PCDH15: variants seen among roughly 807,000 people sequenced by gnomAD.
PCDH15 encodes protocadherin-15.
In PCDH15, 129 loss-of-function variants were observed where a neutral mutation model predicts 178.5. The observed-to-expected ratio is 0.72, with a 90% CI of 0.63 to 0.84. PCDH15 has a LOEUF of 0.84. Among genes scored for constraint, PCDH15 ranks in the 40% least tolerant of loss-of-function variants. The pLI, the probability that PCDH15 is intolerant of heterozygous loss-of-function variation, is 0.00. For missense variants in PCDH15, 2,230 were observed against 2,099.9 expected (o/e 1.06, Z -1.21); for synonymous variants, 800 against 732.0 (o/e 1.09, Z -1.50).
At position 54,378,846 on chromosome 10, in the gene PCDH15, A is replaced by T. The variant is rs1344702306; in HGVS notation, c.254T>A (p.Val85Glu). The change falls in exon 4 of 38, where the codon GTG becomes GAG. Residue 85 changes from valine (V) to glutamate (E), a missense_variant. Val to Glu is a moderately radical substitution (Grantham distance 121, BLOSUM62 -2). Coordinates refer to ENST00000644397, the MANE Select transcript of PCDH15 (RefSeq NM_001384140.1). Reference sequence around the variant, plus strand: ...CATTTGCTTAACAGGATCCATCAACACCCAGTAATCCACATTATCCTTTAA... The same window carrying T: ...CATTTGCTTAACAGGATCCATCAACTCCCAGTAATCCACATTATCCTTTAA... ...LSLKDNVDYW[V>E]LMDPVKQMLF... The T allele has an allele frequency of 1.9e-6, 3 of 1,613,844 alleles. No individual in the cohort carries two copies. The highest frequency in any genetic ancestry group is 2.5e-6 in the Non-Finnish European group (3 of 1,179,874).
chr10:54,442,389 T>TA (rs2075845284), intron 3 of PCDH15, among the ~76,000 whole-genome samples: 2 of 94,636 alleles, frequency 2.1e-5, no homozygotes, highest in African/African-American at 8.8e-5. Context: ...TCCTTTTTTT[T>TA]TAAAAAAAAA....
At chr10:55,501,475 A>G (rs1346293427) in intron 2 of PCDH15, among the ~76,000 whole-genome samples, 2 of 151,744 alleles carry the variant, frequency 1.3e-5, no homozygotes, top group South Asian at 2.1e-4. Flanking sequence ...CTCTATTATG[A>G]TGTATTTATT....
chr10:55,386,644 C>G (rs1192301325), intron 2 of PCDH15, among the ~76,000 whole-genome samples: 2 of 152,008 alleles, frequency 1.3e-5, no homozygotes, highest in Non-Finnish European at 2.9e-5. Flanking sequence ...AACTATCCAG[C>G]ATGTCCATCT....
intron 2 of PCDH15, among the ~76,000 whole-genome samples, chr10:55,607,939 GAGAA>G (rs927376973): frequency 2.6e-5 from 4 of 151,612 alleles, no homozygotes; most frequent in African/African-American, 7.3e-5. Context: ...CAGAGAGAGA[GAGAA>G]AGAGAGAGAG....
At chr10:54,831,576 T>C (rs72798507) in intron 3 of PCDH15, among the ~76,000 whole-genome samples, 4 of 152,242 alleles carry the variant, frequency 2.6e-5, no homozygotes, top group Non-Finnish European at 4.4e-5. Flanking sequence ...TACTGTAGCT[T>C]TGGGAAATAC....
intron 8 of PCDH15, among the ~76,000 whole-genome samples, chr10:54,295,339 C>T (rs553638892): frequency 5.3e-5 from 8 of 152,260 alleles, no homozygotes; most frequent in African/African-American, 1.9e-4. Context: ...GTAAAATGGG[C>T]CAATCAGCAG....
At chr10:55,586,236 T>C (rs1842725139) in intron 2 of PCDH15, among the ~76,000 whole-genome samples, 2 of 152,108 alleles carry the variant, frequency 1.3e-5, no homozygotes, top group African/African-American at 4.8e-5. Context: ...GTGGCAAAGC[T>C]GGTTTTTAAA....
At chr10:54,330,084 C>G (rs193054539) in intron 6 of PCDH15, among the ~76,000 whole-genome samples, 155 of 151,926 alleles carry the variant, frequency 1.0e-3, no homozygotes, top group Non-Finnish European at 4.0e-4. Context: ...ACACTGAAAT[C>G]TGTTATTTCT....
chr10:54,521,533 C>T (rs2082858598), intron 3 of PCDH15, among the ~76,000 whole-genome samples: 1 of 152,234 alleles, frequency 6.6e-6, no homozygotes, highest in African/African-American at 2.4e-5. Flanking sequence ...GAAGCTGCTA[C>T]TATTGAATCT....
chr10:55,455,386 A>C (rs1839527850), intron 2 of PCDH15, among the ~76,000 whole-genome samples: 1 of 152,196 alleles, frequency 6.6e-6, no homozygotes, highest in Non-Finnish European at 1.5e-5. Context: ...AGTTTTTTTC[A>C]AGATTACAAT....
intron 2 of PCDH15, among the ~76,000 whole-genome samples, chr10:54,564,182 GATAA>G (rs2088657070): frequency 6.6e-6 from 1 of 151,946 alleles, no homozygotes; most frequent in Non-Finnish European, 1.5e-5. Flanking sequence ...TTTAAAGCTT[GATAA>G]ATTATTTTGT....
At chr10:54,639,548 T>C (rs1190282205) in intron 2 of PCDH15, among the ~76,000 whole-genome samples, 1 of 152,118 alleles carries the variant, frequency 6.6e-6, no homozygotes, top group African/African-American at 2.4e-5. Flanking sequence ...TTTTAATAAA[T>C]TAAATACAAG....
At chr10:54,006,970 C>G (rs2135100825) in intron 20 of PCDH15, among the ~76,000 whole-genome samples, 1 of 152,286 alleles carries the variant, frequency 6.6e-6, no homozygotes, top group East Asian at 1.9e-4. Flanking sequence ...CTCTCCTACT[C>G]CCATGCAGCC....
At chr10:53,981,640 C>A (rs550561281) in intron 21 of PCDH15, among the ~76,000 whole-genome samples, 5 of 150,308 alleles carry the variant, frequency 3.3e-5, no homozygotes, top group Non-Finnish European at 7.4e-5. Flanking sequence ...AACTGGATCC[C>A]TTCCTTACAC....
intron 2 of PCDH15, among the ~76,000 whole-genome samples, chr10:54,984,447 C>A (rs188913121): frequency 2.4e-4 from 36 of 152,306 alleles, no homozygotes; most frequent in Admixed American, 9.1e-4. Flanking sequence ...AACAGACAGG[C>A]CTTGCTGTGT....
At chr10:54,006,156 T>C (rs1296025854) in intron 20 of PCDH15, among the ~76,000 whole-genome samples, 1 of 152,140 alleles carries the variant, frequency 6.6e-6, no homozygotes, top group African/African-American at 2.4e-5. Context: ...ATTTTCTTTG[T>C]TTTCTCTGGT....
chr10:54,356,366 G>A (rs1944972851), intron 5 of PCDH15, among the ~76,000 whole-genome samples: 1 of 151,830 alleles, frequency 6.6e-6, no homozygotes, highest in African/African-American at 2.4e-5. Flanking sequence ...TGCTAAAATT[G>A]AGACTAAAAA....
intron 10 of PCDH15, among the ~76,000 whole-genome samples, chr10:54,207,108 T>A (rs1343838546): frequency 6.6e-6 from 1 of 152,130 alleles, no homozygotes; most frequent in East Asian, 1.9e-4. Context: ...AAATGTCACC[T>A]CTGTGTGTCT....
At chr10:55,264,862 G>A (rs1388755212) in intron 1 of PCDH15, among the ~76,000 whole-genome samples, 1 of 152,184 alleles carries the variant, frequency 6.6e-6, no homozygotes, top group Non-Finnish European at 1.5e-5. Flanking sequence ...TGTGAAGACA[G>A]ATGGTCTGAG....
Sources: allele counts gnomAD v4.1 joint callset (sites outside exome capture counted in the v4.1 genomes callset), GRCh38; gene constraint gnomAD v4.1.1; transcripts MANE v1.5; gene names NCBI Gene and HGNC (gene_info 2026-07-23, HGNC 2026-07-21).